SLC23A2: variants seen among roughly 807,000 people sequenced by gnomAD.
SLC23A2 encodes Na(+)/L-ascorbic acid transporter 2.
A neutral mutation model predicts 73.3 loss-of-function variants in SLC23A2; 36 were observed. That is an observed-to-expected ratio of 0.49 (90% CI 0.38 to 0.65). The LOEUF (loss-of-function observed/expected upper bound fraction) is 0.65, where lower values mean the gene tolerates loss of function less well. Among genes scored for constraint, SLC23A2 ranks in the 30% least tolerant of loss-of-function variants. SLC23A2 has a pLI of 0.00. For synonymous variants in SLC23A2, 343 were observed against 327.3 expected (o/e 1.05, Z -0.52); for missense variants, 507 against 841.6 (o/e 0.60, Z 4.92).
At chr20:4,875,331 C>CTG (rs994085852) in intron 9 of SLC23A2, among the ~76,000 whole-genome samples, 1 of 152,216 alleles carries the variant, frequency 6.6e-6, no homozygotes, top group Non-Finnish European at 1.5e-5. Flanking sequence ...TGGGAGGCTT[C>CTG]TGTGTGCCAG....
chr20:4,873,796 G>A (rs1600088228), intron 11 of SLC23A2, 140 bp downstream of exon 11: 1 of 740,644 alleles, frequency 1.4e-6, no homozygotes, highest in East Asian at 2.9e-5. Flanking sequence ...TCCCTTACTT[G>A]CTGTCTAATC....
Position 4,856,361 on chromosome 20 carries a change from T to G in SLC23A2, c.*611A>C, listed in dbSNP as rs1929712240. On this transcript the variant is annotated 3_prime_UTR_variant, in exon 17 of 17. Transcript: ENST00000338244. The surrounding 1 kb of genome is among the most constrained non-coding windows in gnomAD (Gnocchi z 4.6). ...TTCCCTCCAATGCCCCAAACAGATG[T>G]TCATTCAACATCTGTGCAGGCCTCA... 1 of 152,342 alleles carries G rather than the reference T, an allele frequency of 6.6e-6. No individual in the cohort carries two copies. The allele number at this position is 152,342 out of a possible 1,614,324, so 9.4% of individuals were successfully genotyped here. A position where few individuals can be genotyped will look rare whatever the true frequency, so the allele number is the denominator to read the frequency against.
At chr20:4,961,162 C>T (rs1056745466) in intron 2 of SLC23A2, among the ~76,000 whole-genome samples, 37 of 143,276 alleles carry the variant, frequency 2.6e-4, no homozygotes, top group African/African-American at 9.4e-4. Flanking sequence ...GGCTGGAGTG[C>T]GGCGGCACGA....
chr20:4,973,442 T>C (rs1397109215), intron 1 of SLC23A2, among the ~76,000 whole-genome samples: 2 of 146,432 alleles, frequency 1.4e-5, no homozygotes, highest in Non-Finnish European at 3.0e-5. Context: ...TTTTCTAAGC[T>C]GAGTGGCAAG....
chr20:4,968,012 A>G (rs2087501444), intron 2 of SLC23A2, among the ~76,000 whole-genome samples: 1 of 152,200 alleles, frequency 6.6e-6, no homozygotes, highest in South Asian at 2.1e-4. Context: ...GGCAAATGGA[A>G]TGACACCAAC....
chr20:4,890,913 G>T (rs1478630769), intron 6 of SLC23A2, among the ~76,000 whole-genome samples: 1 of 152,162 alleles, frequency 6.6e-6, no homozygotes, highest in South Asian at 2.1e-4. Context: ...AAAAACCTAT[G>T]TCTATCAATC....
At chr20:4,981,358 C>T (rs1166676959) in intron 1 of SLC23A2, among the ~76,000 whole-genome samples, 3 of 152,172 alleles carry the variant, frequency 2.0e-5, no homozygotes, top group Admixed American at 2.0e-4. Context: ...ATTTCCATCC[C>T]ATTCAGTCAA....
At chr20:4,990,990 AAC>A (rs2087915493) in intron 1 of SLC23A2, among the ~76,000 whole-genome samples, 1 of 151,772 alleles carries the variant, frequency 6.6e-6, no homozygotes, top group South Asian at 2.1e-4. Flanking sequence ...AAAAAAAAAA[AAC>A]AACCCACAGC....
At chr20:4,933,230 T>C (rs1042225314) in intron 2 of SLC23A2, among the ~76,000 whole-genome samples, 8 of 152,268 alleles carry the variant, frequency 5.3e-5, no homozygotes, top group African/African-American at 1.9e-4. Context: ...CAATTAATCA[T>C]GATTAGATGG....
At chr20:4,907,114 C>T (rs956315624) in intron 4 of SLC23A2, among the ~76,000 whole-genome samples, 3 of 152,170 alleles carry the variant, frequency 2.0e-5, no homozygotes, top group African/African-American at 4.8e-5. Flanking sequence ...TTGGAAAGCC[C>T]TCAGGCTGAG....
In SLC23A2 at chr20:4,852,395, T is replaced by A. The variant is rs1203411140; in HGVS notation, c.*4577A>T. On this transcript the variant is annotated 3_prime_UTR_variant, in exon 17 of 17. Transcript: ENST00000338244. The surrounding 1 kb of genome is among the most constrained non-coding windows in gnomAD (Gnocchi z 4.3). ...AGCTTTTATTTGTACGGAACAGTTT[T>A]AAAAATACAGAATAAAATAGCTTTA... is the stretch of plus-strand genomic sequence containing the variant. The A allele has an allele frequency of 6.6e-6, 1 of 152,594 alleles. No homozygotes were observed. 9.5% of individuals were successfully genotyped at this position (152,594 alleles called of 1,614,324 possible). A position where few individuals can be genotyped will look rare whatever the true frequency, so the allele number is the denominator to read the frequency against.
chr20:4,874,310 C>T (rs1042631909), intron 10 of SLC23A2, among the ~76,000 whole-genome samples: 2 of 152,220 alleles, frequency 1.3e-5, no homozygotes, highest in African/African-American at 4.8e-5. Context: ...GAATGGACAT[C>T]GTGCCTGCAG....
At chr20:4,953,466 G>C (rs1388085913) in intron 2 of SLC23A2, among the ~76,000 whole-genome samples, 2 of 152,046 alleles carry the variant, frequency 1.3e-5, no homozygotes, top group Admixed American at 6.6e-5. Flanking sequence ...ATGACAATTA[G>C]AGAAACGAGG....
intron 2 of SLC23A2, among the ~76,000 whole-genome samples, chr20:4,961,970 T>A (rs1213117796): frequency 6.6e-6 from 1 of 152,112 alleles, no homozygotes; most frequent in Non-Finnish European, 1.5e-5. Context: ...GTTGCCCTTA[T>A]GCAAGGCAGC....
intron 2 of SLC23A2, among the ~76,000 whole-genome samples, chr20:4,943,802 G>C (rs1190092189): frequency 6.6e-6 from 1 of 152,156 alleles, no homozygotes; most frequent in Non-Finnish European, 1.5e-5. Flanking sequence ...GGACGGGTAA[G>C]CAAATCATGG....
In SLC23A2 at chr20:4,961,554, A is replaced by G. The variant is rs6084944; in HGVS notation, c.-155+9239T>C. On this transcript the variant is annotated intron_variant, in intron 2 of 16. Coordinates refer to ENST00000338244, the MANE Select transcript of SLC23A2 (RefSeq NM_005116.6). Reference sequence around the variant, plus strand: ...ATTTGAGATTTTTTGCGATTTTTTTAAAGCTCATCAGCTATCATTAGTGAT... The same window carrying G: ...ATTTGAGATTTTTTGCGATTTTTTTGAAGCTCATCAGCTATCATTAGTGAT... Among the ~76,000 whole-genome samples, 5 of 152,004 alleles carry G rather than the reference A, an allele frequency of 3.3e-5. No individual in the cohort carries two copies. In the East Asian group the frequency reaches 5.8e-4, roughly 18 times the overall value.
At chr20:4,865,187 C>T (rs575905200) in intron 13 of SLC23A2, among the ~76,000 whole-genome samples, 29 of 152,252 alleles carry the variant, frequency 1.9e-4, no homozygotes, top group African/African-American at 7.0e-4. Context: ...TAAAATAGAC[C>T]CTGGGTTTCT....
At chr20:4,978,071 A>C (rs548975389) in intron 1 of SLC23A2, among the ~76,000 whole-genome samples, 8 of 152,258 alleles carry the variant, frequency 5.3e-5, no homozygotes, top group African/African-American at 1.7e-4. Flanking sequence ...TTCCTAATTT[A>C]CTCCCGTATT....
Position 4,857,074 on chromosome 20 carries a change from G to A in SLC23A2, c.1851C>T (p.Ser617=). 6.2e-7 allele frequency: 1 copy of A among 1,613,934 alleles called. No homozygotes were observed. The highest frequency in any genetic ancestry group is 8.5e-7 in the Non-Finnish European group (1 of 1,179,806). Residue 617 remains serine, a synonymous_variant, in exon 17 of 17, where the codon AGC becomes AGT. Transcript: ENST00000338244. This position sits in a 1 kb window ranked among gnomAD's most constrained non-coding sequence, Gnocchi z 4.0. ...MNIIKKYRCF[S]YLPISPTFVG... is the part of the protein sequence containing the mutation. The stretch of plus-strand genomic sequence containing the variant: ...CAAAGGTTGGGCTGATGGGTAAGTA[G>A]CTGAAGCATCTGTATTTTTTTATAA...
Sources: allele counts gnomAD v4.1 joint callset (sites outside exome capture counted in the v4.1 genomes callset), GRCh38; gene constraint gnomAD v4.1.1; non-coding constraint Gnocchi (gnomAD v3.1); transcripts MANE v1.5; gene names NCBI Gene and HGNC (gene_info 2026-07-23, HGNC 2026-07-21).